Variants in SPTA1 observed in about 807,000 individuals in gnomAD.
The protein encoded by SPTA1 is spectrin alpha chain, erythrocytic 1.
SPTA1 carries 177 observed loss-of-function variants against 324.7 expected under a neutral mutation model. The observed-to-expected ratio is 0.55, with a 90% CI of 0.48 to 0.62. The LOEUF (loss-of-function observed/expected upper bound fraction) is 0.62. Ranked by LOEUF, SPTA1 falls within the 20% of genes least tolerant of loss-of-function variation. SPTA1 has a pLI of 0.00. For synonymous variants in SPTA1, 1,195 were observed against 1,041.3 expected (o/e 1.15, Z -2.84); for missense variants, 3,162 against 2,883.6 (o/e 1.10, Z -2.21).
At chr1:158,658,032 C>T (rs1054290500) in intron 18 of SPTA1, among the ~76,000 whole-genome samples, 1 of 152,046 alleles carries the variant, frequency 6.6e-6, no homozygotes, top group Non-Finnish European at 1.5e-5. Context: ...CCATTTCTTC[C>T]CATAAAGGAG....
intron 26 of SPTA1, among the ~76,000 whole-genome samples, chr1:158,648,095 G>A (rs1652135356): frequency 6.6e-6 from 1 of 152,068 alleles, no homozygotes; most frequent in Admixed American, 6.6e-5. Flanking sequence ...TACACTTTTG[G>A]GTTGAAACAG....
chr1:158,617,845 T>A (rs1649655182), intron 46 of SPTA1, among the ~76,000 whole-genome samples, 194 bp downstream of exon 46: 1 of 152,154 alleles, frequency 6.6e-6, no homozygotes, highest in Non-Finnish European at 1.5e-5. Flanking sequence ...ACTTAAGCAA[T>A]GTAGGCAAGA....
At chr1:158,674,700 C>T (rs1654283776) in intron 8 of SPTA1, 25 bp from the exon 9 acceptor site, 1 of 1,612,364 alleles carries the variant, frequency 6.2e-7, no homozygotes, top group Admixed American at 1.7e-5. Flanking sequence ...AGGTAAAAGA[C>T]AGGAAGGAGA....
At chr1:158,634,483 T>C in intron 39 of SPTA1, 60 bp downstream of exon 39, 2 of 1,606,990 alleles carry the variant, frequency 1.2e-6, no homozygotes, top group Non-Finnish European at 1.7e-6. Context: ...AAACACTGAC[T>C]ACCCAAGAAA....
At chr1:158,612,697 G>A (rs2101744377) in intron 51 of SPTA1, 120 bp downstream of exon 51, 1 of 1,055,540 alleles carries the variant, frequency 9.5e-7, no homozygotes, top group Non-Finnish European at 1.5e-6. Flanking sequence ...TCTTGTGAAA[G>A]GGGAGGTCTG....
At position 158,642,498 on chromosome 1, in the gene SPTA1, G is replaced by C; in HGVS notation, c.4650C>G (p.Gly1550=). 1 of 1,613,594 alleles carries C rather than the reference G, an allele frequency of 6.2e-7. No individual in the cohort carries two copies. Among genetic ancestry groups the C allele is most frequent in the South Asian group, 1.1e-5 (1 of 91,074 alleles). The stretch of plus-strand genomic sequence containing the variant: ...TGACGCCATGCACCTGCTCAGATCG[G>C]CCATCGACTTCATGTGCAAAGGTCT... ...KHQTFAHEVD[G]RSEQVHGVIN... is the part of the protein sequence containing the mutation. Residue 1550 remains glycine (G), a synonymous_variant, in exon 33 of 52, where the codon GGC becomes GGG. Coordinates refer to ENST00000643759, the MANE Select transcript of SPTA1 (RefSeq NM_003126.4).
At chr1:158,629,102 A>G (rs568827887) in intron 39 of SPTA1, among the ~76,000 whole-genome samples, 1 of 152,108 alleles carries the variant, frequency 6.6e-6, no homozygotes, top group Non-Finnish European at 1.5e-5. Context: ...CACCAAAGCC[A>G]GGCGATAATT....
In SPTA1 at chr1:158,683,602, T is replaced by C. The variant is rs561905467; in HGVS notation, c.265-106A>G. 41 of 1,438,660 alleles carry C rather than the reference T, an allele frequency of 2.8e-5. No homozygotes were observed. In the East Asian group the frequency reaches 8.9e-4, roughly 31 times the overall value. 89.1% of individuals were successfully genotyped at this position (1,438,660 alleles called of 1,614,324 possible). A position where few individuals can be genotyped will look rare whatever the true frequency, so the allele number is the denominator to read the frequency against. ...CACAGGTTCTCAAAGGGTCCCAGAC[T>C]CAGAGGCCATAAAGAGTATTTTCCT... On this transcript the variant is annotated intron_variant, in intron 2 of 51. Coordinates refer to ENST00000643759, the MANE Select transcript of SPTA1 (RefSeq NM_003126.4).
chr1:158,630,830 C>T (rs778901192), intron 39 of SPTA1, among the ~76,000 whole-genome samples: 2 of 151,268 alleles, frequency 1.3e-5, no homozygotes, highest in Non-Finnish European at 3.0e-5. Context: ...AGTAAAAAAC[C>T]CCTAATAACT....
chr1:158,670,348 G>T (rs749310788), intron 12 of SPTA1, among the ~76,000 whole-genome samples: 10 of 152,278 alleles, frequency 6.6e-5, no homozygotes, highest in Non-Finnish European at 1.3e-4. Flanking sequence ...ATAAGAAAAT[G>T]ATCTAAAATA....
intron 4 of SPTA1, 127 bp from the exon 5 acceptor site, chr1:158,680,856 G>T: frequency 7.8e-7 from 1 of 1,277,660 alleles, no homozygotes; most frequent in Non-Finnish European, 1.1e-6. Flanking sequence ...ACTGGGAGAA[G>T]CTCTCCTGGA....
chr1:158,669,561 C>G lies in SPTA1; in HGVS notation c.1680G>C (p.Leu560=), dbSNP rs73020251. The G allele has an allele frequency of 1.1e-3, 1,832 of 1,614,102 alleles. 18 individuals are homozygous for G. The African/African-American group carries it at 0.019, about 17-fold the overall frequency. ...CACGTAGGGCATCCCGCCGGGCTAACAGCTGCAAAAACCATGAGTAAACTT... is the reference window on the plus strand; with the variant it reads ...CACGTAGGGCATCCCGCCGGGCTAAGAGCTGCAAAAACCATGAGTAAACTT... ...SENIKAIRDG[L]LARRDALREK... The change falls in exon 14 of 52, where the codon CTG becomes CTC. Residue 560 remains leucine (L), a splice_region_variant and synonymous_variant. Transcript: ENST00000643759.
At chr1:158,660,513 A>G (rs561718172) in intron 18 of SPTA1, among the ~76,000 whole-genome samples, 1 of 152,030 alleles carries the variant, frequency 6.6e-6, no homozygotes, top group Non-Finnish European at 1.5e-5. Flanking sequence ...AGAGCTTCAA[A>G]ATATAAGAAA....
chr1:158,643,064 A>G lies in SPTA1; in HGVS notation c.4443-88T>C. On this transcript the variant is annotated intron_variant, in intron 31 of 51. Coordinates refer to ENST00000643759, the MANE Select transcript of SPTA1 (RefSeq NM_003126.4). ...TCCATAAATCTTCCCATTTGCCAAC[A>G]TGCCTCTTTTCTTCTCACATAGTCT... The G allele has an allele frequency of 1.9e-6, 3 of 1,554,266 alleles. 1 individual carries two copies. Among genetic ancestry groups the G allele is most frequent in the Non-Finnish European group, 2.6e-6 (3 of 1,139,138 alleles).
rs571508464 is a variant in SPTA1, at chr1:158,611,717, G to A, written c.7135-328C>T. The A allele has an allele frequency of 1.1e-3, 298 of 279,704 alleles. 2 individuals carry two copies. The highest frequency in any genetic ancestry group is 1.6e-3 in the Non-Finnish European group (225 of 144,518). 17.3% of individuals were successfully genotyped at this position (279,704 alleles called of 1,614,324 possible). On this transcript the variant is annotated intron_variant, in intron 51 of 51. Coordinates refer to ENST00000643759, the MANE Select transcript of SPTA1 (RefSeq NM_003126.4). ...CTTGATCTATTTCATCTTCCTGGCT[G>A]CTTTGAGATGTGGGGACTAGCATGT...
In SPTA1 at chr1:158,615,365, TA is replaced by T; in HGVS notation, c.6638del (p.Leu2213GlnfsTer15). On this transcript the variant is annotated frameshift_variant, in exon 48 of 52. Transcript: ENST00000643759. LOFTEE classifies it high-confidence loss of function. ...TGTCCCCCAGGTCCACAATCTTGGT[TA>T]GTTGACGCTTCATCGCCTGGATCTC... is the stretch of plus-strand genomic sequence containing the variant. ...QKEIQAMKRQ[L>X]TKIVDLGDNL... 6.2e-7 allele frequency: 1 copy of T among 1,614,098 alleles called. No homozygotes were observed. Among genetic ancestry groups the T allele is most frequent in the Non-Finnish European group, 8.5e-7 (1 of 1,180,012 alleles).
At chr1:158,617,389 T>C in intron 47 of SPTA1, 148 bp downstream of exon 47, 1 of 699,504 alleles carries the variant, frequency 1.4e-6, no homozygotes, top group South Asian at 1.6e-5. Flanking sequence ...TAGACTGAGG[T>C]TTATATTCAT....
chr1:158,626,336 T>C (rs1650266847), intron 41 of SPTA1, 114 bp from the exon 42 acceptor site: 4 of 978,028 alleles, frequency 4.1e-6, no homozygotes, highest in African/African-American at 1.6e-5. Flanking sequence ...CTCTCAAAGT[T>C]GATGATTAAT....
At chr1:158,614,185 A>C in intron 49 of SPTA1, 68 bp downstream of exon 49, 2 of 1,251,788 alleles carry the variant, frequency 1.6e-6, no homozygotes, top group Non-Finnish European at 1.2e-6. Context: ...TGAGAGAAAC[A>C]TTATTTGTAG....
Sources: gnomAD v4.1 joint callset for allele counts (sites outside exome capture counted in the v4.1 genomes callset) on GRCh38, gnomAD v4.1.1 for gene constraint, MANE v1.5 for transcripts, NCBI Gene and HGNC (gene_info 2026-07-23, HGNC 2026-07-21) for gene names.